PARP6: variants seen among roughly 807,000 people sequenced by gnomAD.
PARP6 encodes the protein poly(ADP-ribose) polymerase family member 6.
A neutral mutation model predicts 92.0 loss-of-function variants in PARP6; 27 were observed. That is an observed-to-expected ratio of 0.29 (90% CI 0.22 to 0.40). The LOEUF is 0.40. Ranked by LOEUF, PARP6 falls within the 10% of genes least tolerant of loss-of-function variation. PARP6 has a pLI of 1.00. For synonymous variants in PARP6, 272 were observed against 281.2 expected (o/e 0.97, Z 0.33); for missense variants, 501 against 784.5 (o/e 0.64, Z 4.32).
In PARP6 at chr15:72,242,187, G is replaced by A. The variant is rs2083129323; in HGVS notation, c.1675C>T (p.Arg559Trp). The A allele has an allele frequency of 3.7e-6, 6 of 1,614,058 alleles. No homozygotes were observed. Among genetic ancestry groups the A allele is most frequent in the East Asian group, 2.2e-5 (1 of 44,894 alleles). Residue 559 changes from arginine to tryptophan, a missense_variant, in exon 22 of 24, where the codon CGG becomes TGG. By Grantham distance (101) the Arg-to-Trp change is moderately radical. This residue lies in a region of PARP6 where 191 missense variants were observed against 399.1 expected (regional missense o/e 0.48). Coordinates refer to ENST00000569795, the MANE Select transcript of PARP6 (RefSeq NM_001323532.2). The surrounding 1 kb of genome is among the most constrained non-coding windows in gnomAD (Gnocchi z 4.3). ...RSIQSRFLQS[R>W]NLNCIALCEV... ...CAAAGTGCTATACAGTTTAGATTCC[G>A]ACTCTGCAGGAACCGTGACTGAATG...
At chr15:72,265,311 A>G in intron 6 of PARP6, 102 bp downstream of exon 6, 3 of 1,113,108 alleles carry the variant, frequency 2.7e-6, no homozygotes, top group Non-Finnish European at 4.1e-6. Context: ...GATGAAGAAT[A>G]TGTGCTCCAA....
chr15:72,257,247 A>G (rs1363676195), intron 13 of PARP6, 101 bp downstream of exon 13: 1 of 847,028 alleles, frequency 1.2e-6, no homozygotes, highest in Non-Finnish European at 2.0e-6. Flanking sequence ...GTTATCTTAT[A>G]TACAAAAGCA....
intron 14 of PARP6, 35 bp from the exon 15 acceptor site, chr15:72,254,555 A>G: frequency 1.3e-6 from 2 of 1,537,700 alleles, no homozygotes; most frequent in Non-Finnish European, 1.8e-6. Flanking sequence ...AGAACCAAAT[A>G]AAGAAAAGTA....
chr15:72,257,993 G>A, intron 12 of PARP6, 44 bp downstream of exon 12: 2 of 1,341,468 alleles, frequency 1.5e-6, no homozygotes, highest in Non-Finnish European at 2.1e-6. Flanking sequence ...GAGGAGTGAA[G>A]GGGACCTGGT....
At position 72,241,757 on chromosome 15, in the gene PARP6, A is replaced by G; in HGVS notation, c.1790+144T>C. ...CCATCTATACCCATTCCCATCCTCC[A>G]ATGGTAAAGTCCCAGTGACAGCTCC... On this transcript the variant is annotated intron_variant, in intron 23 of 23. Transcript: ENST00000569795. This position sits in a 1 kb window ranked among gnomAD's most constrained non-coding sequence, Gnocchi z 4.1. 1.3e-6 allele frequency: 1 copy of G among 770,768 alleles called. No homozygotes were observed. The highest frequency in any genetic ancestry group is 2.2e-6 in the Non-Finnish European group (1 of 446,056). 47.7% of individuals were successfully genotyped at this position (770,768 alleles called of 1,614,324 possible).
chr15:72,267,389 G>GA, intron 3 of PARP6, 86 bp downstream of exon 3: 2 of 1,456,268 alleles, frequency 1.4e-6, no homozygotes, highest in Non-Finnish European at 1.9e-6. Context: ...GGGTAGAAGG[G>GA]AAAATACCAA....
chr15:72,254,397 G>A (rs543455860), intron 15 of PARP6, 58 bp downstream of exon 15: 2 of 1,233,424 alleles, frequency 1.6e-6, no homozygotes, highest in Non-Finnish European at 2.4e-6. Context: ...ATTACCAACA[G>A]AATAGGACAC....
intron 14 of PARP6, among the ~76,000 whole-genome samples, chr15:72,255,784 CTTTTTTTT>C (rs67560148): frequency 7.5e-5 from 7 of 92,810 alleles, no homozygotes; most frequent in African/African-American, 2.8e-4. Context: ...TTACTTCTCT[CTTTTTTTT>C]TTTTTTTTTT....
At chr15:72,253,396 C>G (rs759535707) in intron 16 of PARP6, 41 bp downstream of exon 16, 2 of 1,500,858 alleles carry the variant, frequency 1.3e-6, no homozygotes, top group South Asian at 2.3e-5. Flanking sequence ...TAACTCCCTC[C>G]CTCCCCATAA....
chr15:72,266,182 C>T (rs1441859795), intron 4 of PARP6, among the ~76,000 whole-genome samples, 191 bp from the exon 5 acceptor site: 2 of 152,160 alleles, frequency 1.3e-5, no homozygotes, highest in African/African-American at 4.8e-5. Context: ...ACAGAGGTCT[C>T]CATCTCATCA....
At chr15:72,268,605 G>A (rs1021683851) in intron 2 of PARP6, among the ~76,000 whole-genome samples, 1 of 152,222 alleles carries the variant, frequency 6.6e-6, no homozygotes, top group African/African-American at 2.4e-5. Flanking sequence ...GGCTGAGGCA[G>A]GAGAATCGCT....
chr15:72,267,155 A>T, intron 3 of PARP6: 2 of 526,320 alleles, frequency 3.8e-6, no homozygotes, highest in Non-Finnish European at 6.8e-6. Context: ...ACTCCTAAGC[A>T]TATCTGGGTT....
At chr15:72,259,553 C>G in intron 11 of PARP6, 55 bp downstream of exon 11, 6 of 1,500,714 alleles carry the variant, frequency 4.0e-6, no homozygotes, top group Non-Finnish European at 5.6e-6. Flanking sequence ...GTTAGGAGAC[C>G]AAATGGGTCA....
chr15:72,272,001 G>A (rs2087507756), intron 1 of PARP6, among the ~76,000 whole-genome samples: 1 of 152,162 alleles, frequency 6.6e-6, no homozygotes, highest in Middle Eastern at 3.2e-3. Context: ...TTGGGCTCCC[G>A]GCTTTGTGGT....
In PARP6 at chr15:72,264,588, T is replaced by A; in HGVS notation, c.362A>T (p.Lys121Met). ...CTGAAGACCCAGCCCAAATCCTTCC[T>A]TATTTGATGGCTGGAAAACCTCAAT... Reference protein sequence around the residue: ...PSIEVFQPSNKEGFGLGLQLK... With the variant: ...PSIEVFQPSNMEGFGLGLQLK... The change falls in exon 8 of 24, where the codon AAG (lysine) becomes ATG (methionine). Residue 121 changes from lysine (K) to methionine (M), a missense_variant. This residue lies in a region of PARP6 where 291 missense variants were observed against 352.0 expected (regional missense o/e 0.83). Transcript: ENST00000569795. 6.2e-7 allele frequency: 1 copy of A among 1,614,056 alleles called. No individual in the cohort carries two copies. The highest frequency in any genetic ancestry group is 8.5e-7 in the Non-Finnish European group (1 of 1,179,912).
In PARP6 at chr15:72,249,939, G is replaced by A. The variant is rs144636032; in HGVS notation, c.1491+81C>T. The A allele has an allele frequency of 9.4e-3, 8,484 of 905,430 alleles. 77 individuals are homozygous for A. The highest frequency in any genetic ancestry group is 0.024 in the African/African-American group (1,503 of 61,568). 56.1% of individuals were successfully genotyped at this position (905,430 alleles called of 1,614,324 possible). On this transcript the variant is annotated intron_variant, in intron 19 of 23. Transcript: ENST00000569795. ...GCTTGAGGACACTGAGGCAAAAACA[G>A]CTTACTCTAGAGCAGCCTTCCACAA...
At chr15:72,244,806 T>G (rs2083414050) in intron 20 of PARP6, 1 of 152,248 alleles carries the variant, frequency 6.6e-6, no homozygotes, top group African/African-American at 2.4e-5. Flanking sequence ...GTCAGTCTAA[T>G]ATAGTGTATT....
intron 2 of PARP6, among the ~76,000 whole-genome samples, chr15:72,268,674 G>A (rs1468565612): frequency 6.6e-6 from 1 of 152,198 alleles, no homozygotes; most frequent in Non-Finnish European, 1.5e-5. Flanking sequence ...CTCCAGCCTG[G>A]ACAGTAAGAG....
rs1320655573 is a variant in PARP6, at chr15:72,257,398, T to C, written c.949A>G (p.Thr317Ala). 1 of 1,613,918 alleles carries C rather than the reference T, an allele frequency of 6.2e-7. No homozygotes were observed. Among genetic ancestry groups the C allele is most frequent in the Non-Finnish European group, 8.5e-7 (1 of 1,179,982 alleles). Residue 317 changes from threonine (T) to alanine (A), a missense_variant, in exon 13 of 24, where the codon ACA (threonine) becomes GCA (alanine). Transcript: ENST00000569795. ...GCAGCTCCAGACATGACGCCCAGTG[T>C]GTAGAAGGAGAAAACGCATAGTTCA... ...TRELCVFSFYTLGVMSGAAEE... is the reference protein window; with the variant it reads ...TRELCVFSFYALGVMSGAAEE...
Sources: gnomAD v4.1 joint callset for allele counts (sites outside exome capture counted in the v4.1 genomes callset) on GRCh38, gnomAD v4.1.1 for gene constraint, gnomAD v4.1.1 regional missense constraint, Gnocchi (gnomAD v3.1) non-coding constraint, MANE v1.5 for transcripts, NCBI Gene and HGNC (gene_info 2026-07-23, HGNC 2026-07-21) for gene names.